VLDLR: variants seen among roughly 807,000 people sequenced by gnomAD.
The protein encoded by VLDLR is very low density lipoprotein receptor.
VLDLR carries 81 observed loss-of-function variants against 112.7 expected under a neutral mutation model. The observed-to-expected ratio is 0.72, with a 90% CI of 0.60 to 0.86. The LOEUF (loss-of-function observed/expected upper bound fraction) is 0.86, where lower values mean the gene tolerates loss of function less well. Among genes scored for constraint, VLDLR ranks in the 40% least tolerant of loss-of-function variants. The pLI, the probability that VLDLR is intolerant of heterozygous loss-of-function variation, is 0.00. For synonymous variants in VLDLR, 436 were observed against 384.8 expected, an observed-to-expected ratio of 1.13 and a Z score of -1.56; for missense variants, 1,237 against 1,099.4, an observed-to-expected ratio of 1.13 and a Z score of -1.77.
chr9:2,637,133 G>A (rs1343088549), intron 2 of VLDLR, among the ~76,000 whole-genome samples: 2 of 152,174 alleles, frequency 1.3e-5, no homozygotes, highest in African/African-American at 4.8e-5. Flanking sequence ...GTGTGTGACA[G>A]TAGAGAAAGA....
chr9:2,654,060 C>T lies in VLDLR; in HGVS notation c.*192C>T, dbSNP rs763576733. The T allele has an allele frequency of 4.2e-5, 25 of 601,230 alleles. No homozygotes were observed. Among genetic ancestry groups the T allele is most frequent in the Middle Eastern group, 3.6e-4 (1 of 2,770 alleles). 37.2% of individuals were successfully genotyped at this position (601,230 alleles called of 1,614,324 possible). ...TGTAAATATTCTTGTCCACATTCTA[C>T]TTCAGCTTTGGATGTGGTTACCGAG... On this transcript the variant is annotated 3_prime_UTR_variant, in exon 19 of 19. Coordinates refer to ENST00000382100, the MANE Select transcript of VLDLR (RefSeq NM_003383.5).
In VLDLR at chr9:2,635,168, G is replaced by C. The variant is rs557425549; in HGVS notation, c.83-285G>C. 5.3e-5 allele frequency among the ~76,000 whole-genome samples: 8 copies of C among 152,300 alleles called. No homozygotes were observed. The East Asian group carries it at 1.5e-3, about 29-fold the overall frequency. On this transcript the variant is annotated intron_variant, in intron 1 of 18. Coordinates refer to ENST00000382100, the MANE Select transcript of VLDLR (RefSeq NM_003383.5). Reference sequence around the variant, plus strand: ...CCTCTTAAGGACATTTCCCAAAGTTGTATATACCATTTTAGTTTACATTCC... The same window carrying C: ...CCTCTTAAGGACATTTCCCAAAGTTCTATATACCATTTTAGTTTACATTCC...
At chr9:2,641,573 TCTA>T in intron 4 of VLDLR, 74 bp downstream of exon 4, 3 of 1,607,864 alleles carry the variant, frequency 1.9e-6, no homozygotes, top group Non-Finnish European at 2.6e-6. Context: ...GGGAAACTAA[TCTA>T]AGCCTGAAGA....
At position 2,644,861 on chromosome 9, in the gene VLDLR, T is replaced by C. The variant is rs747325637; in HGVS notation, c.1186+8T>C. ...ATAGGAAAACCTGTGGAGGTGAGTC[T>C]AAGAAGAAAACCTGGACCCTGCAGG... On this transcript the variant is annotated splice_region_variant and intron_variant, in intron 8 of 18. Transcript: ENST00000382100. The C allele has an allele frequency of 3.7e-6, 6 of 1,614,120 alleles. No homozygotes were observed. The South Asian group carries it at 6.6e-5, about 18-fold the overall frequency.
At chr9:2,641,019 A>G (rs1013219405) in intron 3 of VLDLR, among the ~76,000 whole-genome samples, 15 of 152,238 alleles carry the variant, frequency 9.9e-5, no homozygotes, top group African/African-American at 3.6e-4. Context: ...TTGAGATTAG[A>G]TGACAATATC....
chr9:2,630,821 A>G (rs1817316711), intron 1 of VLDLR, among the ~76,000 whole-genome samples: 1 of 152,234 alleles, frequency 6.6e-6, no homozygotes, highest in African/African-American at 2.4e-5. Context: ...AACAAAATAG[A>G]CAAATGGGAC....
Position 2,622,187 on chromosome 9 carries a change from A to G in VLDLR, c.-3A>G. On this transcript the variant is annotated 5_prime_UTR_variant, in exon 1 of 19. Coordinates refer to ENST00000382100, the MANE Select transcript of VLDLR (RefSeq NM_003383.5). ...CGGCGGCGGCACCATCCAGGCGGGC[A>G]CCATGGGCACGTCCGCGCTCTGGGC... 6.7e-7 allele frequency: 1 copy of G among 1,494,856 alleles called. No homozygotes were observed. Among genetic ancestry groups the G allele is most frequent in the Non-Finnish European group, 8.9e-7 (1 of 1,128,392 alleles). 92.6% of individuals were successfully genotyped at this position (1,494,856 alleles called of 1,614,324 possible). A position where few individuals can be genotyped will look rare whatever the true frequency, so the allele number is the denominator to read the frequency against.
At chr9:2,630,567 G>A (rs1817305551) in intron 1 of VLDLR, among the ~76,000 whole-genome samples, 2 of 152,204 alleles carry the variant, frequency 1.3e-5, no homozygotes. Context: ...GAGTGCTCCT[G>A]CCAGGGTGCT....
At chr9:2,653,091 TAG>T in intron 18 of VLDLR, 142 bp downstream of exon 18, 1 of 1,099,692 alleles carries the variant, frequency 9.1e-7, no homozygotes, top group Non-Finnish European at 1.4e-6. Context: ...ACAGACAGTA[TAG>T]CCTGTTAGAA....
rs1398677833 is a variant in VLDLR at position 2,622,129 on chromosome 9, C to G, written c.-61C>G. ...TTCCTCCTTTCGGAAGGACTGGTAA[C>G]TTGTCGTGCGGAGCGAACGGCGGCG... On this transcript the variant is annotated 5_prime_UTR_variant, in exon 1 of 19. Transcript: ENST00000382100. 52 of 1,430,828 alleles carry G rather than the reference C, an allele frequency of 3.6e-5. No homozygotes were observed. Among genetic ancestry groups the G allele is most frequent in the Non-Finnish European group, 4.7e-5 (51 of 1,086,024 alleles). The allele number at this position is 1,430,828 out of a possible 1,614,324, so 88.6% of individuals were successfully genotyped here.
intron 1 of VLDLR, among the ~76,000 whole-genome samples, chr9:2,624,300 C>G (rs1305961435): frequency 1.3e-5 from 2 of 152,186 alleles, no homozygotes; most frequent in African/African-American, 4.8e-5. Context: ...AAACCAATCC[C>G]AACCGGCATC....
At chr9:2,650,280 A>G in intron 14 of VLDLR, 90 bp from the exon 15 acceptor site, 1 of 1,553,292 alleles carries the variant, frequency 6.4e-7, no homozygotes, top group Admixed American at 1.7e-5. Context: ...TCTTGGGGGC[A>G]AGGACTCAGG....
chr9:2,627,986 C>T (rs1236007271), intron 1 of VLDLR, among the ~76,000 whole-genome samples: 1 of 152,088 alleles, frequency 6.6e-6, no homozygotes, highest in African/African-American at 2.4e-5. Flanking sequence ...CAACCAGTCA[C>T]ACTTGGTTTC....
Position 2,645,219 on chromosome 9 carries a change from A to G in VLDLR, c.1312+137A>G, listed in dbSNP as rs919205267. On this transcript the variant is annotated intron_variant, in intron 9 of 18. Coordinates refer to ENST00000382100, the MANE Select transcript of VLDLR (RefSeq NM_003383.5). ...AATGCTGCTAACCTCATAATACAGC[A>G]GTATAGGTCAAATAGCAGATCTCTC... The G allele has an allele frequency of 1.9e-5, 25 of 1,307,350 alleles. No individual in the cohort carries two copies. In the African/African-American group the frequency reaches 3.2e-4, roughly 17 times the overall value. The allele number at this position is 1,307,350 out of a possible 1,614,324, so 81.0% of individuals were successfully genotyped here. A position where few individuals can be genotyped will look rare whatever the true frequency, so the allele number is the denominator to read the frequency against.
In VLDLR at chr9:2,656,743, T is replaced by C. The variant is rs1470197790; in HGVS notation, c.*2875T>C. 6 of 152,010 alleles carry C rather than the reference T, an allele frequency of 3.9e-5. No individual in the cohort carries two copies. The highest frequency in any genetic ancestry group is 2.1e-4 in the South Asian group (1 of 4,818). 9.4% of individuals were successfully genotyped at this position (152,010 alleles called of 1,614,324 possible). On this transcript the variant is annotated 3_prime_UTR_variant, in exon 19 of 19. Transcript: ENST00000382100. Reference sequence around the variant, plus strand: ...TAGGAATTGCCACAAAGATTGATGATAGATGAATAAACAGATTTGTGGCCT... The same window carrying C: ...TAGGAATTGCCACAAAGATTGATGACAGATGAATAAACAGATTTGTGGCCT...
rs1460780869 is a variant in VLDLR, at chr9:2,633,051, A to AGAGTGT, written c.83-2401_83-2400insAGTGTG. On this transcript the variant is annotated intron_variant, in intron 1 of 18. Coordinates refer to ENST00000382100, the MANE Select transcript of VLDLR (RefSeq NM_003383.5). ...TTATTGGAGAGAGAGAGAGAGAGAG[A>AGAGTGT]GTGTGTGTGTGTGTGTGTGTGTGTG... Among the ~76,000 whole-genome samples, 10 of 115,466 alleles carry AGAGTGT rather than the reference A, an allele frequency of 8.7e-5. No homozygotes were observed. The East Asian group carries it at 1.5e-3, about 17-fold the overall frequency. 75.8% of individuals were successfully genotyped at this position (115,466 alleles called of 152,430 possible).
At position 2,622,289 on chromosome 9, in the gene VLDLR, C is replaced by A; in HGVS notation, c.82+18C>A. On this transcript the variant is annotated intron_variant, in intron 1 of 18. Transcript: ENST00000382100. Reference sequence around the variant, plus strand: ...CGGAACCGGTGAGTGAGGACGCGCCCCTCCGCCGGCGGGCGGGACCCAGCC... The same window carrying A: ...CGGAACCGGTGAGTGAGGACGCGCCACTCCGCCGGCGGGCGGGACCCAGCC... 6.8e-7 allele frequency: 1 copy of A among 1,460,154 alleles called. No homozygotes were observed. The highest frequency in any genetic ancestry group is 9.0e-7 in the Non-Finnish European group (1 of 1,110,182). 90.4% of individuals were successfully genotyped at this position (1,460,154 alleles called of 1,614,324 possible). A position where few individuals can be genotyped will look rare whatever the true frequency, so the allele number is the denominator to read the frequency against.
intron 14 of VLDLR, among the ~76,000 whole-genome samples, chr9:2,649,604 C>T (rs150876332): frequency 6.6e-6 from 1 of 152,154 alleles, no homozygotes; most frequent in African/African-American, 2.4e-5. Flanking sequence ...GTTGGCCAGA[C>T]TGGTCTCGAA....
chr9:2,637,949 A>G (rs1563753711), intron 2 of VLDLR, among the ~76,000 whole-genome samples: 1 of 152,062 alleles, frequency 6.6e-6, no homozygotes, highest in Admixed American at 6.5e-5. Flanking sequence ...TCTCAAAAAA[A>G]TAAATAAAAA....
Sources: gnomAD v4.1 joint callset for allele counts (sites outside exome capture counted in the v4.1 genomes callset) on GRCh38, gnomAD v4.1.1 for gene constraint, MANE v1.5 for transcripts, NCBI Gene and HGNC (gene_info 2026-07-23, HGNC 2026-07-21) for gene names.